The following TWSG1 variants were observed in gnomAD, a reference collection of about 807,000 sequenced individuals.
TWSG1 encodes twisted gastrulation protein homolog 1.
TWSG1 carries 15 observed loss-of-function variants against 23.0 expected under a neutral mutation model. The ratio of observed to expected loss-of-function variants is 0.65; its 90% CI spans 0.44 to 1.00. TWSG1 has a LOEUF of 1.00. Ranked by LOEUF, TWSG1 falls within the 50% of genes least tolerant of loss-of-function variation. The pLI is 0.00. For missense variants in TWSG1, 242 were observed against 278.7 expected, an observed-to-expected ratio of 0.87 and a Z score of 0.94; for synonymous variants, 86 against 92.8, an observed-to-expected ratio of 0.93 and a Z score of 0.42.
In TWSG1 at chr18:9,399,521, G is replaced by A; in HGVS notation, c.666G>A (p.Met222Ile). 1 of 1,598,888 alleles carries A rather than the reference G, an allele frequency of 6.3e-7. No homozygotes were observed. Among genetic ancestry groups the A allele is most frequent in the Non-Finnish European group, 8.5e-7 (1 of 1,175,248 alleles). ...AAACTGTCAAATGTATGAACTGCATGTTTTAAAGAAGACAAATGCAAACCA... is the reference window on the plus strand; with the variant it reads ...AAACTGTCAAATGTATGAACTGCATATTTTAAAGAAGACAAATGCAAACCA... ...GSKTVKCMNC[M>I]F Residue 222 changes from methionine (M) to isoleucine (I), a missense_variant, in exon 5 of 5, where the codon ATG becomes ATA. Physicochemically the swap from Met to Ile is conservative, Grantham distance 10 (BLOSUM62 1). Coordinates refer to ENST00000262120, the MANE Select transcript of TWSG1 (RefSeq NM_020648.6).
rs76788777 is a variant in TWSG1, at chr18:9,360,796, C to A, written c.223+725C>A. ...CTTTTTAAGTCACATAGTACTAAAA[C>A]AATCCCATCTCAGTTCTTTCCAAGC... On this transcript the variant is annotated intron_variant, in intron 3 of 4. Coordinates refer to ENST00000262120, the MANE Select transcript of TWSG1 (RefSeq NM_020648.6). 4.5e-3 allele frequency among the ~76,000 whole-genome samples: 692 copies of A among 152,212 alleles called. 2 individuals are homozygous for A. Among genetic ancestry groups the A allele is most frequent in the African/African-American group, 0.016 (658 of 41,528 alleles).
intron 3 of TWSG1, among the ~76,000 whole-genome samples, chr18:9,384,951 T>A (rs2040675422): frequency 6.6e-6 from 1 of 152,124 alleles, no homozygotes; most frequent in African/African-American, 2.4e-5. Flanking sequence ...CCGGCCCAGA[T>A]GTGCTTGCTC....
intron 3 of TWSG1, among the ~76,000 whole-genome samples, chr18:9,377,233 T>TG (rs1181090322): frequency 2.0e-4 from 31 of 151,220 alleles, no homozygotes; most frequent in African/African-American, 6.3e-4. Flanking sequence ...TTTTTTTTTT[T>TG]GGGGGGACAG....
At chr18:9,357,840 A>AG (rs5823051) in intron 2 of TWSG1, among the ~76,000 whole-genome samples, 7 of 151,180 alleles carry the variant, frequency 4.6e-5, no homozygotes, top group East Asian at 2.0e-4. Flanking sequence ...GGAGCAGGGA[A>AG]GGGGGGGGAT....
intron 3 of TWSG1, among the ~76,000 whole-genome samples, chr18:9,369,542 A>T (rs974253333): frequency 6.6e-6 from 1 of 152,156 alleles, no homozygotes; most frequent in Non-Finnish European, 1.5e-5. Flanking sequence ...CTGGGATTAC[A>T]GGCATGAGCC....
chr18:9,396,090 G>A (rs992510007), intron 3 of TWSG1, among the ~76,000 whole-genome samples, 190 bp from the exon 4 acceptor site: 12 of 144,016 alleles, frequency 8.3e-5, no homozygotes, highest in African/African-American at 2.1e-4. Context: ...AGATCTGAGC[G>A]TTCAGTATGC....
At chr18:9,366,756 T>C (rs1451288779) in intron 3 of TWSG1, among the ~76,000 whole-genome samples, 1 of 152,154 alleles carries the variant, frequency 6.6e-6, no homozygotes, top group Non-Finnish European at 1.5e-5. Context: ...TAAGAAAAAC[T>C]ATGCAAATTA....
chr18:9,385,211 C>T (rs1291437876), intron 3 of TWSG1, among the ~76,000 whole-genome samples: 1 of 152,118 alleles, frequency 6.6e-6, no homozygotes, highest in East Asian at 1.9e-4. Flanking sequence ...AGAAGTTTCT[C>T]TAGGAAAAAG....
chr18:9,359,223 C>T (rs2040540973), intron 2 of TWSG1, among the ~76,000 whole-genome samples: 1 of 151,904 alleles, frequency 6.6e-6, no homozygotes, highest in Non-Finnish European at 1.5e-5. Context: ...TCTAGGATGG[C>T]CCCAGGTGGA....
At chr18:9,374,950 G>A (rs959514161) in intron 3 of TWSG1, among the ~76,000 whole-genome samples, 3 of 152,096 alleles carry the variant, frequency 2.0e-5, no homozygotes, top group South Asian at 2.1e-4. Flanking sequence ...GCCAGATCAC[G>A]AGGTCAGGAG....
At chr18:9,393,460 C>A (rs2040721349) in intron 3 of TWSG1, among the ~76,000 whole-genome samples, 1 of 152,248 alleles carries the variant, frequency 6.6e-6, no homozygotes, top group Non-Finnish European at 1.5e-5. Flanking sequence ...ACTGTGTCAC[C>A]TTGCCCCTTT....
intron 3 of TWSG1, among the ~76,000 whole-genome samples, chr18:9,395,184 T>C (rs2040729173): frequency 6.6e-6 from 1 of 152,268 alleles, no homozygotes; most frequent in African/African-American, 2.4e-5. Context: ...TGATGTTTAC[T>C]TGTGACCAGA....
At chr18:9,393,664 C>A (rs543306188) in intron 3 of TWSG1, among the ~76,000 whole-genome samples, 17 of 152,232 alleles carry the variant, frequency 1.1e-4, no homozygotes, top group African/African-American at 3.9e-4. Flanking sequence ...CTCAAGTGAT[C>A]CTCCCACTTC....
intron 3 of TWSG1, among the ~76,000 whole-genome samples, chr18:9,371,077 A>G (rs548783402): frequency 1.3e-5 from 2 of 151,840 alleles, no homozygotes; most frequent in East Asian, 1.9e-4. Flanking sequence ...TATTGGGCCT[A>G]TTAGATTTAT....
intron 3 of TWSG1, among the ~76,000 whole-genome samples, chr18:9,389,125 C>T (rs1404442102): frequency 6.6e-6 from 1 of 152,030 alleles, no homozygotes; most frequent in East Asian, 1.9e-4. Context: ...TACAGGTATG[C>T]ACCACCATGC....
chr18:9,388,331 G>C (rs147200439), intron 3 of TWSG1: 1 of 152,318 alleles, frequency 6.6e-6, no homozygotes, highest in African/African-American at 2.4e-5. Flanking sequence ...AAAATCAGAA[G>C]TATTGTCCTT....
Position 9,372,126 on chromosome 18 carries a change from TA to T in TWSG1, c.223+12056del, listed in dbSNP as rs1384531623. On this transcript the variant is annotated intron_variant, in intron 3 of 4. Transcript: ENST00000262120. ...CTCTTTCAAAATAATAGCAACAATG[TA>T]TTTAATTATGTGTGCTATGTATGTA... Among the ~76,000 whole-genome samples the T allele has an allele frequency of 2.0e-5, 3 of 147,460 alleles. No individual in the cohort carries two copies. In the East Asian group the frequency reaches 5.9e-4, roughly 29 times the overall value.
chr18:9,350,944 A>G (rs1230032133), intron 2 of TWSG1, among the ~76,000 whole-genome samples: 1 of 151,998 alleles, frequency 6.6e-6, no homozygotes, highest in African/African-American at 2.4e-5. Flanking sequence ...TTATTTATTT[A>G]TTTTAAAATA....
At chr18:9,387,063 C>T (rs902676674) in intron 3 of TWSG1, among the ~76,000 whole-genome samples, 16 of 152,306 alleles carry the variant, frequency 1.1e-4, no homozygotes, top group African/African-American at 3.1e-4. Flanking sequence ...GAAGCAATAG[C>T]TTTAACCAGG....
Sources: allele counts gnomAD v4.1 joint callset (sites outside exome capture counted in the v4.1 genomes callset), GRCh38; gene constraint gnomAD v4.1.1; transcripts MANE v1.5; gene names NCBI Gene and HGNC (gene_info 2026-07-23, HGNC 2026-07-21).